The following ZDHHC20 variants were observed in gnomAD, a reference collection of about 807,000 sequenced individuals.
The protein encoded by ZDHHC20 is palmitoyltransferase ZDHHC20.
A neutral mutation model predicts 57.8 loss-of-function variants in ZDHHC20; 43 were observed. The observed-to-expected ratio is 0.74, with a 90% CI of 0.58 to 0.96. The LOEUF (loss-of-function observed/expected upper bound fraction) is 0.96, where lower values mean the gene tolerates loss of function less well. ZDHHC20 is among the 40% of genes least tolerant of loss of function. ZDHHC20 has a pLI of 0.00. For missense variants in ZDHHC20, 391 were observed against 441.1 expected (o/e 0.89, Z 1.02); for synonymous variants, 157 against 153.0 (o/e 1.03, Z -0.19).
chr13:21,376,026 G>T lies in ZDHHC20; in HGVS notation c.*670C>A, dbSNP rs1262982487. 1 of 152,120 alleles carries T rather than the reference G, an allele frequency of 6.6e-6. No individual in the cohort carries two copies. The highest frequency in any genetic ancestry group is 1.5e-5 in the Non-Finnish European group (1 of 68,028). The allele number at this position is 152,120 out of a possible 1,614,324, so 9.4% of individuals were successfully genotyped here. On this transcript the variant is annotated 3_prime_UTR_variant, in exon 13 of 13. Coordinates refer to ENST00000400590, the MANE Select transcript of ZDHHC20 (RefSeq NM_001330059.2). ...TGGGCACTTGCTCTACTACATGGTT[G>T]TATTAATGCTCATAACTAAGCTTTC...
At position 21,391,865 on chromosome 13, in the gene ZDHHC20, AAAG is replaced by A. The variant is rs780390542; in HGVS notation, c.595-14_595-12del. 2.9e-5 allele frequency: 46 copies of A among 1,605,120 alleles called. No individual in the cohort carries two copies. The highest frequency in any genetic ancestry group is 1.2e-4 in the Admixed American group (7 of 58,170). ...ATCTGTCAGTTCATTCTGAGGAAAA[AAAG>A]AAGTTAATTTTGAGGTCAACCTCTA... On this transcript the variant is annotated splice_polypyrimidine_tract_variant and intron_variant, in intron 7 of 12. Coordinates refer to ENST00000400590, the MANE Select transcript of ZDHHC20 (RefSeq NM_001330059.2).
intron 1 of ZDHHC20, among the ~76,000 whole-genome samples, chr13:21,456,127 C>A (rs369323162): frequency 2.0e-5 from 3 of 152,248 alleles, no homozygotes; most frequent in African/African-American, 7.2e-5. Context: ...TCCTATAGGC[C>A]GGGCACAATG....
At position 21,382,906 on chromosome 13, in the gene ZDHHC20, G is replaced by A; in HGVS notation, c.944+14C>T. 1.9e-6 allele frequency: 3 copies of A among 1,548,492 alleles called. No homozygotes were observed. Among genetic ancestry groups the A allele is most frequent in the Non-Finnish European group, 1.7e-6 (2 of 1,142,946 alleles). On this transcript the variant is annotated intron_variant, in intron 10 of 12. Coordinates refer to ENST00000400590, the MANE Select transcript of ZDHHC20 (RefSeq NM_001330059.2). Reference sequence around the variant, plus strand: ...TATGATGAATATAGAAAAGCATAAGGACAATAAGCATACCTTCTGGCATAC... The same window carrying A: ...TATGATGAATATAGAAAAGCATAAGAACAATAAGCATACCTTCTGGCATAC...
chr13:21,403,455 C>G (rs931401298), intron 4 of ZDHHC20, among the ~76,000 whole-genome samples: 1 of 152,106 alleles, frequency 6.6e-6, no homozygotes, highest in Non-Finnish European at 1.5e-5. Context: ...GGAACACCTG[C>G]TAGGTGCCAG....
chr13:21,384,002 G>A (rs1002546581), intron 9 of ZDHHC20, among the ~76,000 whole-genome samples: 1 of 152,026 alleles, frequency 6.6e-6, no homozygotes, highest in Admixed American at 6.6e-5. Flanking sequence ...AAAATAGGCA[G>A]TAGAGAACTG....
At chr13:21,421,281 A>G (rs1880622790) in intron 2 of ZDHHC20, 117 bp from the exon 3 acceptor site, 2 of 714,948 alleles carry the variant, frequency 2.8e-6, no homozygotes, top group Admixed American at 2.7e-5. Flanking sequence ...TTAAATTAAA[A>G]TGTACTGAAA....
intron 1 of ZDHHC20, among the ~76,000 whole-genome samples, chr13:21,426,452 A>G (rs1312220707): frequency 1.3e-5 from 2 of 152,122 alleles, no homozygotes; most frequent in Non-Finnish European, 2.9e-5. Flanking sequence ...TCAGTGTAAC[A>G]CACCACCACC....
intron 1 of ZDHHC20, among the ~76,000 whole-genome samples, chr13:21,437,134 C>G (rs985779252): frequency 6.6e-6 from 1 of 152,178 alleles, no homozygotes; most frequent in Non-Finnish European, 1.5e-5. Flanking sequence ...GAGCAAAGTC[C>G]TAACTCTCTT....
chr13:21,415,470 G>A (rs1445428781), intron 3 of ZDHHC20, among the ~76,000 whole-genome samples: 2 of 152,094 alleles, frequency 1.3e-5, no homozygotes, highest in Admixed American at 1.3e-4. Context: ...ATGGACAGAT[G>A]AACAGGACAG....
At chr13:21,387,692 A>G in intron 8 of ZDHHC20, 58 bp from the exon 9 acceptor site, 1 of 1,130,838 alleles carries the variant, frequency 8.8e-7, no homozygotes, top group Non-Finnish European at 1.1e-6. Context: ...TATAGGAGGG[A>G]TGGAAATTAC....
intron 3 of ZDHHC20, among the ~76,000 whole-genome samples, chr13:21,414,218 G>A (rs1879612652): frequency 7.2e-6 from 1 of 137,992 alleles, no homozygotes; most frequent in Non-Finnish European, 1.6e-5. Flanking sequence ...TCTCATGAAG[G>A]CCAAGGAGTC....
chr13:21,375,378 A>C lies in ZDHHC20; in HGVS notation c.*1318T>G. 1 of 334,440 alleles carries C rather than the reference A, an allele frequency of 3.0e-6. No individual in the cohort carries two copies. The highest frequency in any genetic ancestry group is 5.8e-6 in the Non-Finnish European group (1 of 171,168). The allele number at this position is 334,440 out of a possible 1,614,324, so 20.7% of individuals were successfully genotyped here. A position where few individuals can be genotyped will look rare whatever the true frequency, so the allele number is the denominator to read the frequency against. On this transcript the variant is annotated 3_prime_UTR_variant, in exon 13 of 13. Coordinates refer to ENST00000400590, the MANE Select transcript of ZDHHC20 (RefSeq NM_001330059.2). ...GTGTGTGTGTGTGTCTGTCTGTCTA[A>C]AAGGTGTAAATGAGGAGTGACATTT...
intron 1 of ZDHHC20, among the ~76,000 whole-genome samples, chr13:21,455,155 G>A (rs1450254287): frequency 5.3e-5 from 8 of 152,110 alleles, no homozygotes; most frequent in South Asian, 2.1e-4. Flanking sequence ...TCCTGACCTC[G>A]TGATCCGCCT....
At chr13:21,448,172 C>A (rs1451392496) in intron 1 of ZDHHC20, among the ~76,000 whole-genome samples, 3 of 122,358 alleles carry the variant, frequency 2.5e-5, no homozygotes, top group Middle Eastern at 4.2e-3. Flanking sequence ...CCGGCAGCCA[C>A]CCCGTCCGGG....
At position 21,382,938 on chromosome 13, in the gene ZDHHC20, T is replaced by C. The variant is rs540987642; in HGVS notation, c.926A>G (p.Gln309Arg). The part of the protein sequence containing the change: ...MDPEQASVTN[Q>R]NEYARSSGSN... ...AGCATACCTTCTGGCATACTCATTC[T>C]GGTTTGTAACAGAAGCTTGTTCTGG... is the stretch of plus-strand genomic sequence containing the variant. Residue 309 changes from glutamine (Q) to arginine (R), a missense_variant, in exon 10 of 13, where the codon CAG becomes CGG. By Grantham distance (43) the Gln-to-Arg change is conservative (BLOSUM62 1). Coordinates refer to ENST00000400590, the MANE Select transcript of ZDHHC20 (RefSeq NM_001330059.2). The C allele has an allele frequency of 3.2e-6, 5 of 1,561,214 alleles. No homozygotes were observed. In the East Asian group the frequency reaches 7.1e-5, roughly 22 times the overall value.
At chr13:21,408,356 T>C (rs1878744399) in intron 4 of ZDHHC20, among the ~76,000 whole-genome samples, 1 of 152,220 alleles carries the variant, frequency 6.6e-6, no homozygotes, top group Non-Finnish European at 1.5e-5. Context: ...AGCTTATTCC[T>C]AGGTATTTTA....
intron 4 of ZDHHC20, among the ~76,000 whole-genome samples, chr13:21,406,388 T>C (rs1878444105): frequency 6.6e-6 from 1 of 152,266 alleles, no homozygotes; most frequent in Non-Finnish European, 1.5e-5. Context: ...TGTGCTTTTC[T>C]ATGTTTTTAT....
At chr13:21,415,775 G>A (rs1879879814) in intron 3 of ZDHHC20, among the ~76,000 whole-genome samples, 1 of 152,128 alleles carries the variant, frequency 6.6e-6, no homozygotes, top group South Asian at 2.1e-4. Context: ...AATAGAAGAT[G>A]TTCTGATCAA....
chr13:21,423,498 G>C (rs1160330120), intron 2 of ZDHHC20, among the ~76,000 whole-genome samples: 1 of 151,804 alleles, frequency 6.6e-6, no homozygotes, highest in African/African-American at 2.4e-5. Context: ...CAACATGGTA[G>C]AACTCCATCT....
Sources: allele counts gnomAD v4.1 joint callset (sites outside exome capture counted in the v4.1 genomes callset), GRCh38; gene constraint gnomAD v4.1.1; transcripts MANE v1.5; gene names NCBI Gene and HGNC (gene_info 2026-07-23, HGNC 2026-07-21).